Variants in ITM2B observed in about 807,000 individuals in gnomAD.
ITM2B encodes ABri/ADan amyloid peptide.
Under a neutral mutation model 27.8 loss-of-function variants are expected in ITM2B, and 11 were observed. That is an observed-to-expected ratio of 0.40 (90% confidence interval 0.25 to 0.66). ITM2B has a LOEUF of 0.66. Among genes scored for constraint, ITM2B ranks in the 30% least tolerant of loss-of-function variants. ITM2B has a pLI of 0.43. For missense variants in ITM2B, 296 were observed against 328.9 expected (o/e 0.90, Z 0.77); for synonymous variants, 114 against 114.3 (o/e 1.00, Z 0.02).
chr13:48,258,221 A>G lies in ITM2B; in HGVS notation c.549A>G (p.Leu183=), dbSNP rs779036982. Residue 183 remains leucine (L), a synonymous_variant, in exon 4 of 6, where the codon TTA becomes TTG. Coordinates refer to ENST00000647800, the MANE Select transcript of ITM2B (RefSeq NM_021999.5). ...TGCCACCCAGAAACCTACTGGAGTT[A>G]CTTATTAACATCAAGGTATAAGAAT... ...IVMPPRNLLE[L]LINIKAGTYL... is the part of the protein sequence containing the mutation. 12 of 1,501,912 alleles carry G rather than the reference A, an allele frequency of 8.0e-6. No homozygotes were observed. Among genetic ancestry groups the G allele is most frequent in the Non-Finnish European group, 1.1e-5 (12 of 1,078,016 alleles). 93.0% of individuals were successfully genotyped at this position (1,501,912 alleles called of 1,614,324 possible). A position where few individuals can be genotyped will look rare whatever the true frequency, so the allele number is the denominator to read the frequency against.
chr13:48,238,818 A>G (rs550060521), intron 1 of ITM2B, among the ~76,000 whole-genome samples: 368 of 152,270 alleles, frequency 2.4e-3, no homozygotes, highest in African/African-American at 8.5e-3. Flanking sequence ...TTAAGGCTCA[A>G]ATTATTATTT....
chr13:48,261,346 A>G lies in ITM2B; in HGVS notation c.*122A>G, dbSNP rs1190686098. 1.7e-5 allele frequency: 12 copies of G among 722,118 alleles called. No individual in the cohort carries two copies. Among genetic ancestry groups the G allele is most frequent in the Non-Finnish European group, 2.4e-5 (10 of 411,608 alleles). 44.7% of individuals were successfully genotyped at this position (722,118 alleles called of 1,614,324 possible). ...TGTAAGTAGCAAACAGGGCTTTACT[A>G]TCTTTTCATCTCATTAATTCAATTA... is the stretch of plus-strand genomic sequence containing the variant. On this transcript the variant is annotated 3_prime_UTR_variant, in exon 6 of 6. Coordinates refer to ENST00000647800, the MANE Select transcript of ITM2B (RefSeq NM_021999.5).
chr13:48,252,791 G>A (rs1242059831), intron 1 of ITM2B, among the ~76,000 whole-genome samples: 1 of 152,134 alleles, frequency 6.6e-6, no homozygotes, highest in Non-Finnish European at 1.5e-5. Context: ...CTTCAAAGAG[G>A]CTGTTCATGT....
Position 48,258,208 on chromosome 13 carries a change from A to G in ITM2B, c.536A>G (p.Asn179Ser), listed in dbSNP as rs768875245. ...LNTSIVMPPR[N>S]LLELLINIKA... ...ACTTCCATTGTTATGCCACCCAGAA[A>G]CCTACTGGAGTTACTTATTAACATC... is the stretch of plus-strand genomic sequence containing the variant. The change falls in exon 4 of 6, where the codon AAC becomes AGC. Residue 179 changes from asparagine to serine, a missense_variant. Transcript: ENST00000647800. 1 of 1,579,366 alleles carries G rather than the reference A, an allele frequency of 6.3e-7. No individual in the cohort carries two copies. Among genetic ancestry groups the G allele is most frequent in the Non-Finnish European group, 8.7e-7 (1 of 1,148,604 alleles).
chr13:48,255,859 T>A, intron 2 of ITM2B, among the ~76,000 whole-genome samples: 1 of 152,216 alleles, frequency 6.6e-6, no homozygotes, highest in East Asian at 1.9e-4. Context: ...AAAAACTGCT[T>A]ACAGGTAGAG....
chr13:48,258,850 T>C lies in ITM2B; in HGVS notation c.618T>C (p.Thr206=). 3 of 1,613,666 alleles carry C rather than the reference T, an allele frequency of 1.9e-6. No homozygotes were observed. Among genetic ancestry groups the C allele is most frequent in the Non-Finnish European group, 2.5e-6 (3 of 1,179,550 alleles). ...SYLIHEHMVI[T]DRIENIDHLG... is the part of the protein sequence containing the mutation. ...TGATTCATGAGCACATGGTTATTAC[T>C]GATCGCATTGAAAACATTGATCACC... is the stretch of plus-strand genomic sequence containing the variant. The change falls in exon 5 of 6, where the codon ACT becomes ACC. Residue 206 remains threonine (T), a synonymous_variant. Transcript: ENST00000647800.
chr13:48,252,344 G>A (rs1454310447), intron 1 of ITM2B, among the ~76,000 whole-genome samples: 2 of 152,228 alleles, frequency 1.3e-5, no homozygotes, highest in African/African-American at 2.4e-5. Flanking sequence ...GACCAGTACC[G>A]GAACTGGTCT....
At chr13:48,251,755 A>G (rs1951757380) in intron 1 of ITM2B, among the ~76,000 whole-genome samples, 1 of 152,110 alleles carries the variant, frequency 6.6e-6, no homozygotes, top group Admixed American at 6.5e-5. Flanking sequence ...AACTATTTCC[A>G]TCTGTCATTT....
intron 1 of ITM2B, among the ~76,000 whole-genome samples, chr13:48,240,944 A>G (rs995350151): frequency 6.6e-6 from 1 of 152,210 alleles, no homozygotes; most frequent in Non-Finnish European, 1.5e-5. Context: ...GGTAACCACT[A>G]TTCTAATTTT....
In ITM2B at chr13:48,266,824, T is replaced by A. The variant is rs556167317; in HGVS notation, c.*5600T>A. 4 of 152,296 alleles carry A rather than the reference T, an allele frequency of 2.6e-5. No homozygotes were observed. Among genetic ancestry groups the A allele is most frequent in the African/African-American group, 9.6e-5 (4 of 41,554 alleles). The allele number at this position is 152,296 out of a possible 1,614,324, so 9.4% of individuals were successfully genotyped here. ...TGGGGGCCATATTAAGATTTTCATA[T>A]GACAGAAGTGTATATATATCCACAA... On this transcript the variant is annotated 3_prime_UTR_variant, in exon 6 of 6. Coordinates refer to ENST00000647800, the MANE Select transcript of ITM2B (RefSeq NM_021999.5).
chr13:48,259,353 G>T (rs1951808924), intron 5 of ITM2B, among the ~76,000 whole-genome samples: 1 of 152,204 alleles, frequency 6.6e-6, no homozygotes, highest in African/African-American at 2.4e-5. Flanking sequence ...ATCATATTGG[G>T]AATAATCACT....
rs1951874013 is a variant in ITM2B, at chr13:48,269,791, G to T, written c.*8567G>T. The T allele has an allele frequency of 6.6e-6, 1 of 152,198 alleles. No homozygotes were observed. The highest frequency in any genetic ancestry group is 6.5e-5 in the Admixed American group (1 of 15,276). 9.4% of individuals were successfully genotyped at this position (152,198 alleles called of 1,614,324 possible). A position where few individuals can be genotyped will look rare whatever the true frequency, so the allele number is the denominator to read the frequency against. On this transcript the variant is annotated 3_prime_UTR_variant, in exon 6 of 6. Transcript: ENST00000647800. The stretch of plus-strand genomic sequence containing the variant: ...AGTCTCACCTCCACCCTCAATGCTG[G>T]CAATGTCTGTCTGTAGTGTATTCTT...
At chr13:48,246,370 A>G (rs567594058) in intron 1 of ITM2B, among the ~76,000 whole-genome samples, 1 of 152,324 alleles carries the variant, frequency 6.6e-6, no homozygotes, top group African/African-American at 2.4e-5. Context: ...GACAGCAGCA[A>G]TCTCATTTCA....
chr13:48,246,784 TAA>T (rs937736836), intron 1 of ITM2B, among the ~76,000 whole-genome samples: 4 of 152,132 alleles, frequency 2.6e-5, no homozygotes, highest in South Asian at 4.1e-4. Flanking sequence ...AAAAAAAAGA[TAA>T]GAGAGAAGTT....
intron 1 of ITM2B, among the ~76,000 whole-genome samples, chr13:48,247,814 G>T (rs369860821): frequency 6.6e-6 from 1 of 152,196 alleles, no homozygotes; most frequent in Non-Finnish European, 1.5e-5. Flanking sequence ...CTGAAAGCCA[G>T]GTCTTTCTAT....
At chr13:48,233,902 C>G (rs1362655007) in intron 1 of ITM2B, among the ~76,000 whole-genome samples, 1 of 152,144 alleles carries the variant, frequency 6.6e-6, no homozygotes, top group South Asian at 2.1e-4. Flanking sequence ...AAGCCTAAAC[C>G]TCTGTTGTTT....
chr13:48,235,177 C>G (rs1951660543), intron 1 of ITM2B, among the ~76,000 whole-genome samples: 1 of 152,190 alleles, frequency 6.6e-6, no homozygotes, highest in Admixed American at 6.5e-5. Context: ...ATCAGAATTA[C>G]ATTTGCTGAG....
intron 1 of ITM2B, among the ~76,000 whole-genome samples, chr13:48,233,908 T>G (rs947433660): frequency 6.6e-6 from 1 of 152,190 alleles, no homozygotes; most frequent in Non-Finnish European, 1.5e-5. Flanking sequence ...AAACCTCTGT[T>G]GTTTCCCACT....
At position 48,253,819 on chromosome 13, in the gene ITM2B, T is replaced by C; in HGVS notation, c.129T>C (p.Asp43=). ...AVAVDCKDPD[D]VVPVGQRRAW... ...TTTTCATATTTTAGGACCCAGATGA[T>C]GTGGTACCAGTTGGCCAAAGAAGAG... Residue 43 remains aspartate, a synonymous_variant, in exon 2 of 6, where the codon GAT becomes GAC. Coordinates refer to ENST00000647800, the MANE Select transcript of ITM2B (RefSeq NM_021999.5). 2 of 1,613,902 alleles carry C rather than the reference T, an allele frequency of 1.2e-6. No individual in the cohort carries two copies. Among genetic ancestry groups the C allele is most frequent in the Non-Finnish European group, 1.7e-6 (2 of 1,179,780 alleles).
Sources: gnomAD v4.1 joint callset for allele counts (sites outside exome capture counted in the v4.1 genomes callset) on GRCh38, gnomAD v4.1.1 for gene constraint, MANE v1.5 for transcripts, NCBI Gene and HGNC (gene_info 2026-07-23, HGNC 2026-07-21) for gene names.